The following EIF4G2 variants were observed in gnomAD, a reference collection of about 807,000 sequenced individuals.
The protein encoded by EIF4G2 is eukaryotic translation initiation factor 4 gamma 2, also known as DAP-5.
A neutral mutation model predicts 117.7 loss-of-function variants in EIF4G2; 8 were observed. The ratio of observed to expected loss-of-function variants is 0.07; its 90% CI spans 0.04 to 0.12. The LOEUF is 0.12. Among genes scored for constraint, EIF4G2 ranks in the 10% least tolerant of loss-of-function variants. The pLI is 1.00. For missense variants in EIF4G2, 812 were observed against 1,086.2 expected, an observed-to-expected ratio of 0.75 and a Z score of 3.55; for synonymous variants, 413 against 367.8, an observed-to-expected ratio of 1.12 and a Z score of -1.41.
chr11:10,799,801 C>G (rs775933411), intron 18 of EIF4G2, 45 bp from the exon 19 acceptor site: 22 of 1,584,766 alleles, frequency 1.4e-5, no homozygotes, highest in Non-Finnish European at 1.8e-5. Flanking sequence ...TTCATTTTAC[C>G]AAGTTGTCCT....
intron 4 of EIF4G2, 30 bp downstream of exon 4, chr11:10,805,877 T>C: frequency 2.5e-6 from 4 of 1,614,154 alleles, no homozygotes; most frequent in South Asian, 1.1e-5. Flanking sequence ...ACACTTCCCA[T>C]CTTTTAGTAA....
chr11:10,801,132 G>T (rs547367870), intron 14 of EIF4G2, 45 bp from the exon 15 acceptor site: 2 of 1,609,644 alleles, frequency 1.2e-6, no homozygotes, highest in South Asian at 2.2e-5. Context: ...ACATGCAGTT[G>T]GCGAACATAT....
chr11:10,804,943 A>C lies in EIF4G2; in HGVS notation c.321T>G (p.Ser107=). The change falls in exon 5 of 22, where the codon TCT becomes TCG. Residue 107 remains serine (S), a synonymous_variant. Coordinates refer to ENST00000339995, the MANE Select transcript of EIF4G2 (RefSeq NM_001418.4). ...GTATGACCCCTTTAAGGATGAGTTT[A>C]GACTCTACACCCACATTGAGGAGCT... The C allele has an allele frequency of 1.2e-6, 2 of 1,614,128 alleles. No homozygotes were observed. Among genetic ancestry groups the C allele is most frequent in the Non-Finnish European group, 1.7e-6 (2 of 1,179,988 alleles).
In EIF4G2 at chr11:10,801,097, A is replaced by G. The variant is rs749966549; in HGVS notation, c.1414-10T>C. The G allele has an allele frequency of 6.2e-7, 1 of 1,613,678 alleles. No homozygotes were observed. The highest frequency in any genetic ancestry group is 1.3e-5 in the African/African-American group (1 of 74,904). ...CAGGCCTCAGGCTAATCTGGAATTG[A>G]AAACAAAATATATCTAAATTAACAA... On this transcript the variant is annotated splice_polypyrimidine_tract_variant and intron_variant, in intron 14 of 21. Transcript: ENST00000339995.
chr11:10,806,415 G>A (rs933615819), intron 3 of EIF4G2: 15 of 321,862 alleles, frequency 4.7e-5, no homozygotes, highest in Admixed American at 1.4e-4. Context: ...GGGTTCAAGC[G>A]ACCCTCCCAC....
At chr11:10,798,719 A>C (rs1169624876) in intron 21 of EIF4G2, 1 of 264,658 alleles carries the variant, frequency 3.8e-6, no homozygotes, top group African/African-American at 2.2e-5. Context: ...AAAAAAGCTT[A>C]AATCGAAACT....
At chr11:10,801,491 G>A (rs7103202) in intron 14 of EIF4G2, 170 bp downstream of exon 14, 46,869 of 779,758 alleles carry the variant, frequency 0.06, 1,625 homozygotes, top group Non-Finnish European at 0.076. Flanking sequence ...CATAATCTTC[G>A]CTCACAGGAC....
chr11:10,805,544 G>C (rs1026648999), intron 4 of EIF4G2, among the ~76,000 whole-genome samples: 9 of 152,018 alleles, frequency 5.9e-5, no homozygotes, highest in Non-Finnish European at 8.8e-5. Context: ...TCCACCTGTG[G>C]GGTATTCAAG....
At chr11:10,807,675 A>C in intron 1 of EIF4G2, 1 of 1,014,502 alleles carries the variant, frequency 9.9e-7, no homozygotes, top group Non-Finnish European at 1.2e-6. Context: ...CACTGAGATC[A>C]ATAGAAAAGT....
chr11:10,797,615 C>A lies in EIF4G2; in HGVS notation c.*201G>T. ...TACTATCTAAACATTAAAGATACTCCTAAAATATTTGATGGTAGACTATGA... is the reference window on the plus strand; with the variant it reads ...TACTATCTAAACATTAAAGATACTCATAAAATATTTGATGGTAGACTATGA... On this transcript the variant is annotated 3_prime_UTR_variant, in exon 22 of 22. Transcript: ENST00000339995. This position sits in a 1 kb window ranked among gnomAD's most constrained non-coding sequence, Gnocchi z 4.5. The A allele has an allele frequency of 1.7e-6, 1 of 586,510 alleles. No homozygotes were observed. Among genetic ancestry groups the A allele is most frequent in the Non-Finnish European group, 3.0e-6 (1 of 331,102 alleles). The allele number at this position is 586,510 out of a possible 1,614,324, so 36.3% of individuals were successfully genotyped here.
rs779866323 is a variant in EIF4G2 at position 10,802,223 on chromosome 11, T to TA, written c.1139-15dup. 1.6e-5 allele frequency: 26 copies of TA among 1,613,014 alleles called. No homozygotes were observed. The highest frequency in any genetic ancestry group is 2.1e-5 in the Non-Finnish European group (25 of 1,179,280). On this transcript the variant is annotated splice_polypyrimidine_tract_variant and intron_variant, in intron 12 of 21. Transcript: ENST00000339995. ...CAATTCCGCTACCTTAAAATACATA[T>TA]ACGGACAACTCTCAAAACTAAAGTT...
At position 10,799,194 on chromosome 11, in the gene EIF4G2, C is replaced by T; in HGVS notation, c.2536+19G>A. 6.2e-7 allele frequency: 1 copy of T among 1,612,882 alleles called. No homozygotes were observed. Among genetic ancestry groups the T allele is most frequent in the Non-Finnish European group, 8.5e-7 (1 of 1,179,384 alleles). Reference sequence around the variant, plus strand: ...TTAAGAACTTCCTCACGCCGTTCTTCTGATACAAGTCCTCTCACCTTTTGG... The same window carrying T: ...TTAAGAACTTCCTCACGCCGTTCTTTTGATACAAGTCCTCTCACCTTTTGG... On this transcript the variant is annotated intron_variant, in intron 20 of 21. Coordinates refer to ENST00000339995, the MANE Select transcript of EIF4G2 (RefSeq NM_001418.4).
chr11:10,807,402 A>G (rs1309810380), intron 1 of EIF4G2, 21 bp from the exon 2 acceptor site: 3 of 1,581,040 alleles, frequency 1.9e-6, no homozygotes, highest in Non-Finnish European at 2.6e-6. Flanking sequence ...AAAGAGCACC[A>G]AAATTAGACA....
At chr11:10,798,474 C>T (rs921944111) in intron 21 of EIF4G2, among the ~76,000 whole-genome samples, 18 of 152,104 alleles carry the variant, frequency 1.2e-4, no homozygotes, top group Admixed American at 6.6e-5. Context: ...CTCACTGCAA[C>T]CTCTGCCTCC....
chr11:10,808,042 G>A (rs918787681), intron 1 of EIF4G2: 1 of 1,036,392 alleles, frequency 9.6e-7, no homozygotes, highest in Non-Finnish European at 1.2e-6. Context: ...CGACGGGGAG[G>A]AGCAGCTGAG....
chr11:10,804,944 G>C lies in EIF4G2; in HGVS notation c.320C>G (p.Ser107Cys). 1 of 1,614,026 alleles carries C rather than the reference G, an allele frequency of 6.2e-7. No individual in the cohort carries two copies. The highest frequency in any genetic ancestry group is 8.5e-7 in the Non-Finnish European group (1 of 1,179,962). Residue 107 changes from serine to cysteine, a missense_variant, in exon 5 of 22, where the codon TCT becomes TGT. Around this residue, in one of 4 missense-constraint regions of EIF4G2, gnomAD observed 154 missense variants for 322.1 expected, o/e 0.48. Coordinates refer to ENST00000339995, the MANE Select transcript of EIF4G2 (RefSeq NM_001418.4). ...TATGACCCCTTTAAGGATGAGTTTAGACTCTACACCCACATTGAGGAGCTC... is the reference window on the plus strand; with the variant it reads ...TATGACCCCTTTAAGGATGAGTTTACACTCTACACCCACATTGAGGAGCTC...
At position 10,803,681 on chromosome 11, in the gene EIF4G2, TCA is replaced by T; in HGVS notation, c.703-93_703-92del. ...TCCCTTTATGTTTGCACTGACTCAT[TCA>T]CAGTTCCTACAGAATCTAGTATAGG... On this transcript the variant is annotated intron_variant, in intron 8 of 21. Transcript: ENST00000339995. This position sits in a 1 kb window ranked among gnomAD's most constrained non-coding sequence, Gnocchi z 4.0. The T allele has an allele frequency of 2.4e-6, 3 of 1,242,042 alleles. No individual in the cohort carries two copies. Among genetic ancestry groups the T allele is most frequent in the Non-Finnish European group, 2.3e-6 (2 of 864,000 alleles). 76.9% of individuals were successfully genotyped at this position (1,242,042 alleles called of 1,614,324 possible). A position where few individuals can be genotyped will look rare whatever the true frequency, so the allele number is the denominator to read the frequency against.
chr11:10,801,590 T>C, intron 14 of EIF4G2, 71 bp downstream of exon 14: 1 of 1,387,098 alleles, frequency 7.2e-7, no homozygotes, highest in Non-Finnish European at 1.0e-6. Context: ...TAACGCGTCT[T>C]TTTATAATCA....
At chr11:10,802,477 CTATT>C in intron 11 of EIF4G2, 42 bp from the exon 12 acceptor site, 1 of 1,498,550 alleles carries the variant, frequency 6.7e-7, no homozygotes, top group Non-Finnish European at 8.9e-7. Flanking sequence ...TCTCTGGACA[CTATT>C]TCACTTAAAA....
Sources: gnomAD v4.1 joint callset for allele counts (sites outside exome capture counted in the v4.1 genomes callset) on GRCh38, gnomAD v4.1.1 for gene constraint, gnomAD v4.1.1 regional missense constraint, Gnocchi (gnomAD v3.1) non-coding constraint, MANE v1.5 for transcripts, NCBI Gene and HGNC (gene_info 2026-07-23, HGNC 2026-07-21) for gene names.